CHD6: variants seen among roughly 807,000 people sequenced by gnomAD.
CHD6 encodes the protein ATP-dependent chromatin remodeler CHD6.
CHD6 carries 50 observed loss-of-function variants against 276.9 expected under a neutral mutation model. That is an observed-to-expected ratio of 0.18 (90% CI 0.14 to 0.23). The LOEUF is 0.23. Among genes scored for constraint, CHD6 ranks in the 10% least tolerant of loss-of-function variants. CHD6 has a pLI of 1.00. For missense variants in CHD6, 2,564 were observed against 3,365.8 expected, an observed-to-expected ratio of 0.76 and a Z score of 5.89; for synonymous variants, 1,173 against 1,229.3, an observed-to-expected ratio of 0.95 and a Z score of 0.96.
intron 1 of CHD6, among the ~76,000 whole-genome samples, chr20:41,567,151 G>C (rs1265047658): frequency 1.3e-5 from 2 of 152,172 alleles, no homozygotes; most frequent in African/African-American, 4.8e-5. Context: ...AGACTCTGTT[G>C]TTAATTGACT....
At chr20:41,518,941 T>C (rs2044317485) in intron 3 of CHD6, among the ~76,000 whole-genome samples, 1 of 152,180 alleles carries the variant, frequency 6.6e-6, no homozygotes. Context: ...TATAGATGAT[T>C]TGGCCCATGA....
intron 1 of CHD6, among the ~76,000 whole-genome samples, chr20:41,591,916 A>G (rs2045666025): frequency 6.6e-6 from 1 of 152,096 alleles, no homozygotes; most frequent in African/African-American, 2.4e-5. Flanking sequence ...TGGCTAAGAC[A>G]GTGAAACCCC....
At chr20:41,504,403 C>G (rs201473235) in intron 5 of CHD6, among the ~76,000 whole-genome samples, 3 of 109,972 alleles carry the variant, frequency 2.7e-5, no homozygotes, top group East Asian at 2.7e-4. Context: ...CCTCTATTTT[C>G]TTTTTTTTTT....
chr20:41,481,863 T>A (rs1156566459), intron 16 of CHD6, among the ~76,000 whole-genome samples: 3 of 149,638 alleles, frequency 2.0e-5, no homozygotes, highest in Non-Finnish European at 3.0e-5. Flanking sequence ...AAAATAAGAG[T>A]TACAAAGTGC....
At chr20:41,480,291 A>G (rs1356219165) in intron 16 of CHD6, among the ~76,000 whole-genome samples, 1 of 152,220 alleles carries the variant, frequency 6.6e-6, no homozygotes, top group Non-Finnish European at 1.5e-5. Context: ...AGGCCCCAGA[A>G]GGTATGGCCT....
At chr20:41,572,977 T>A (rs959952062) in intron 1 of CHD6, among the ~76,000 whole-genome samples, 1 of 152,076 alleles carries the variant, frequency 6.6e-6, no homozygotes, top group Non-Finnish European at 1.5e-5. Flanking sequence ...TGGCACGATC[T>A]CGGCTCACTG....
chr20:41,606,674 C>CAAAA (rs10631069), intron 1 of CHD6, among the ~76,000 whole-genome samples: 7 of 132,736 alleles, frequency 5.3e-5, no homozygotes, highest in East Asian at 2.2e-4. Flanking sequence ...GACTCCATCT[C>CAAAA]AAAAAAAAAA....
rs1208642850 is a variant in CHD6 at position 41,420,743 on chromosome 20, G to A, written c.5892C>T (p.Ile1964=). ...TGGTTTTACTTTTGAACAGATCTGG[G>A]ATATAAGCCTTGGGTTTCTCGATTT... The part of the protein sequence containing the change: ...EFEIEKPKAY[I]PDLFKSKTNT... Residue 1964 remains isoleucine, a synonymous_variant, in exon 31 of 37, where the codon ATC becomes ATT. Coordinates refer to ENST00000373233, the MANE Select transcript of CHD6 (RefSeq NM_032221.5). 2.5e-6 allele frequency: 4 copies of A among 1,614,092 alleles called. No individual in the cohort carries two copies. The highest frequency in any genetic ancestry group is 3.4e-6 in the Non-Finnish European group (4 of 1,180,052).
chr20:41,618,330 A>C lies in CHD6; in HGVS notation c.-24+10T>G, dbSNP rs576585105. On this transcript the variant is annotated intron_variant, in intron 1 of 36. Transcript: ENST00000373233. ...AGGGAGGAAAATAAAAAGTTAAGAG[A>C]AGAACTTACCTAAAATGGCTCCTGC... 6.6e-6 allele frequency: 1 copy of C among 151,834 alleles called. No individual in the cohort carries two copies. The highest frequency in any genetic ancestry group is 1.5e-5 in the Non-Finnish European group (1 of 67,970). The allele number at this position is 151,834 out of a possible 1,614,324, so 9.4% of individuals were successfully genotyped here.
chr20:41,559,501 C>T (rs923364173), intron 1 of CHD6, among the ~76,000 whole-genome samples: 1 of 152,186 alleles, frequency 6.6e-6, no homozygotes, highest in African/African-American at 2.4e-5. Flanking sequence ...TGCTTTGCAG[C>T]ATTTTAAACT....
At chr20:41,608,375 T>C (rs1239968947) in intron 1 of CHD6, among the ~76,000 whole-genome samples, 2 of 152,234 alleles carry the variant, frequency 1.3e-5, no homozygotes, top group African/African-American at 2.4e-5. Context: ...TACCCATTCT[T>C]ACTAATTTAA....
chr20:41,551,462 G>C (rs1362365114), intron 1 of CHD6, 102 bp from the exon 2 acceptor site: 3 of 599,726 alleles, frequency 5.0e-6, no homozygotes, highest in Non-Finnish European at 8.8e-6. Context: ...ACAAACAGGG[G>C]ATTACTTCTG....
chr20:41,511,659 C>T (rs1156902422), intron 5 of CHD6, among the ~76,000 whole-genome samples: 2 of 152,168 alleles, frequency 1.3e-5, no homozygotes, highest in African/African-American at 2.4e-5. Flanking sequence ...ATCTCTCAGT[C>T]CTCCTCTCTC....
chr20:41,583,301 C>T (rs990341000), intron 1 of CHD6, among the ~76,000 whole-genome samples: 4 of 151,736 alleles, frequency 2.6e-5, no homozygotes, highest in Non-Finnish European at 5.9e-5. Context: ...AAGACATTAC[C>T]TTGGAAGAAG....
At chr20:41,430,466 C>T (rs2047502903) in intron 27 of CHD6, among the ~76,000 whole-genome samples, 1 of 152,172 alleles carries the variant, frequency 6.6e-6, no homozygotes, top group Non-Finnish European at 1.5e-5. Flanking sequence ...ATATGAGCTA[C>T]TGCTGGGAGG....
At chr20:41,602,670 CAGAATT>C (rs932656456) in intron 1 of CHD6, among the ~76,000 whole-genome samples, 1 of 152,194 alleles carries the variant, frequency 6.6e-6, no homozygotes, top group African/African-American at 2.4e-5. Context: ...TAAAAAAACC[CAGAATT>C]TTAAAAGGAC....
chr20:41,482,787 A>C (rs2043324853), intron 16 of CHD6, among the ~76,000 whole-genome samples: 2 of 152,192 alleles, frequency 1.3e-5, no homozygotes, highest in Admixed American at 1.3e-4. Context: ...AAGGAATTCT[A>C]AGAGTATGAA....
intron 1 of CHD6, among the ~76,000 whole-genome samples, chr20:41,585,235 G>A (rs1224952906): frequency 6.6e-6 from 1 of 152,146 alleles, no homozygotes; most frequent in Non-Finnish European, 1.5e-5. Flanking sequence ...CAGGTGTGGT[G>A]GCTCACGCCT....
intron 1 of CHD6, among the ~76,000 whole-genome samples, chr20:41,571,636 T>C (rs148557657): frequency 7.5e-4 from 114 of 152,068 alleles, no homozygotes; most frequent in African/African-American, 2.7e-3. Context: ...AGTATTTTTG[T>C]TGAATGAATT....
Sources: gnomAD v4.1 joint callset for allele counts (sites outside exome capture counted in the v4.1 genomes callset) on GRCh38, gnomAD v4.1.1 for gene constraint, MANE v1.5 for transcripts, NCBI Gene and HGNC (gene_info 2026-07-23, HGNC 2026-07-21) for gene names.